BABAM2: variants seen among roughly 807,000 people sequenced by gnomAD.
The protein encoded by BABAM2 is BRISC and BRCA1-A complex member 2.
In BABAM2, 31 loss-of-function variants were observed where a neutral mutation model predicts 54.7. The ratio of observed to expected loss-of-function variants is 0.57; its 90% confidence interval spans 0.43 to 0.77. The LOEUF (loss-of-function observed/expected upper bound fraction) is 0.77. Ranked by LOEUF, BABAM2 falls within the 30% of genes least tolerant of loss-of-function variation. BABAM2 has a pLI of 0.00. For synonymous variants in BABAM2, 167 were observed against 162.9 expected (o/e 1.03, Z -0.19); for missense variants, 364 against 455.8 (o/e 0.80, Z 1.83).
At chr2:27,984,886 T>G (rs1672289295) in intron 3 of BABAM2, among the ~76,000 whole-genome samples, 1 of 152,094 alleles carries the variant, frequency 6.6e-6, no homozygotes, top group African/African-American at 2.4e-5. Context: ...CATTAAGTCA[T>G]TCTTACGCCT....
At chr2:28,237,461 G>A (rs752846250) in intron 8 of BABAM2, among the ~76,000 whole-genome samples, 160 bp downstream of exon 8, 2 of 152,068 alleles carry the variant, frequency 1.3e-5, no homozygotes, top group Non-Finnish European at 2.9e-5. Flanking sequence ...CAGTTAATCT[G>A]TTTCTCTCCC....
intron 6 of BABAM2, among the ~76,000 whole-genome samples, chr2:28,104,526 AAGTC>A (rs1667340450): frequency 6.6e-6 from 1 of 152,218 alleles, no homozygotes; most frequent in Admixed American, 6.5e-5. Flanking sequence ...GATCATTAAA[AAGTC>A]AGGAAACAAC....
upstream of BABAM2, chr2:27,890,135 CA>C: frequency 2.4e-6 from 2 of 818,888 alleles, no homozygotes; most frequent in Non-Finnish European, 3.8e-6. This position sits in a 1 kb window ranked among gnomAD's most constrained non-coding sequence, Gnocchi z 4.8. Flanking sequence ...ACCTGCAGCT[CA>C]TACCCAAAGC....
At chr2:28,305,494 C>A (rs1242713797) in intron 11 of BABAM2, among the ~76,000 whole-genome samples, 1 of 152,040 alleles carries the variant, frequency 6.6e-6, no homozygotes, top group African/African-American at 2.4e-5. Context: ...TCTAAAATTT[C>A]TTTTCTTGTG....
intron 3 of BABAM2, 45 bp from the exon 4 acceptor site, chr2:27,987,948 C>G: frequency 6.6e-7 from 1 of 1,504,324 alleles, no homozygotes; most frequent in Non-Finnish European, 9.2e-7. Flanking sequence ...AATATTCATA[C>G]TTAGAAAGGA....
chr2:28,103,005 T>G (rs1406564078), intron 6 of BABAM2, among the ~76,000 whole-genome samples: 4 of 152,208 alleles, frequency 2.6e-5, no homozygotes, highest in African/African-American at 9.6e-5. Flanking sequence ...TATAGTTTTT[T>G]GTTTTGTTTT....
At chr2:28,316,116 C>G (rs1689531178) in intron 11 of BABAM2, among the ~76,000 whole-genome samples, 2 of 152,150 alleles carry the variant, frequency 1.3e-5, no homozygotes, top group East Asian at 1.9e-4. Context: ...TAAGTATGCC[C>G]CATGCAGTAT....
intron 7 of BABAM2, among the ~76,000 whole-genome samples, chr2:28,130,183 A>G (rs1204224872): frequency 2.6e-5 from 4 of 152,212 alleles, no homozygotes; most frequent in Non-Finnish European, 5.9e-5. Flanking sequence ...TGAGTCATTT[A>G]GTTACAGTTG....
chr2:28,191,283 A>G (rs1221562440), intron 7 of BABAM2, among the ~76,000 whole-genome samples: 1 of 152,228 alleles, frequency 6.6e-6, no homozygotes, highest in East Asian at 1.9e-4. Context: ...TAGAACTGGA[A>G]CTTTTATGGA....
At chr2:28,049,344 C>G (rs1375496804) in intron 6 of BABAM2, among the ~76,000 whole-genome samples, 2 of 152,152 alleles carry the variant, frequency 1.3e-5, no homozygotes, top group Non-Finnish European at 2.9e-5. Flanking sequence ...AGAAAATCAA[C>G]ATTAACTTTT....
chr2:28,206,827 T>G (rs1678897075), intron 7 of BABAM2, among the ~76,000 whole-genome samples: 1 of 152,194 alleles, frequency 6.6e-6, no homozygotes, highest in Non-Finnish European at 1.5e-5. Flanking sequence ...TACAACATTA[T>G]TTGCCACTAC....
intron 5 of BABAM2, among the ~76,000 whole-genome samples, chr2:28,031,761 T>C (rs1205225508): frequency 1.3e-5 from 2 of 152,174 alleles, no homozygotes; most frequent in African/African-American, 2.4e-5. Context: ...AAGCCTTTAC[T>C]GGCCAACTGA....
chr2:28,319,965 G>A (rs555013951), intron 11 of BABAM2, among the ~76,000 whole-genome samples: 3 of 152,130 alleles, frequency 2.0e-5, no homozygotes, highest in Non-Finnish European at 2.9e-5. Flanking sequence ...GCATTCCACC[G>A]GGACACCCAC....
intron 7 of BABAM2, among the ~76,000 whole-genome samples, chr2:28,137,801 A>G (rs1420903152): frequency 6.6e-6 from 1 of 152,186 alleles, no homozygotes; most frequent in Non-Finnish European, 1.5e-5. Context: ...ATGTTTCTTA[A>G]ACTTGTTTGA....
At chr2:28,019,964 T>C (rs1190152591) in intron 4 of BABAM2, among the ~76,000 whole-genome samples, 3 of 152,188 alleles carry the variant, frequency 2.0e-5, no homozygotes, top group Non-Finnish European at 4.4e-5. Flanking sequence ...TTAGTAAGAC[T>C]TTGCATTTAG....
chr2:28,112,181 CCCTCCCTCCCTCCCTCCCTT>C lies in BABAM2; in HGVS notation c.571-17086_571-17067del, dbSNP rs1558347140. On this transcript the variant is annotated intron_variant, in intron 6 of 11. Transcript: ENST00000379624. ...TCCCTCCCTCCCTCCCTCCCTCCCT[CCCTCCCTCCCTCCCTCCCTT>C]CCTTCCTTCCTTCCTTCCTTCCTTC... Among the ~76,000 whole-genome samples, 27 of 30,864 alleles carry C rather than the reference CCCTCCCTCCCTCCCTCCCTT, an allele frequency of 8.7e-4. 1 individual carries two copies. Among genetic ancestry groups the C allele is most frequent in the Non-Finnish European group, 1.2e-3 (20 of 16,868 alleles). 20.2% of individuals were successfully genotyped at this position (30,864 alleles called of 152,430 possible).
At chr2:28,206,642 T>C (rs1029618424) in intron 7 of BABAM2, among the ~76,000 whole-genome samples, 10 of 152,152 alleles carry the variant, frequency 6.6e-5, no homozygotes, top group Non-Finnish European at 1.5e-5. Flanking sequence ...CATTCCTCTA[T>C]CCAGAGGAAG....
intron 10 of BABAM2, among the ~76,000 whole-genome samples, chr2:28,267,175 AG>A: frequency 6.6e-6 from 1 of 152,192 alleles, no homozygotes; most frequent in Admixed American, 6.5e-5. Flanking sequence ...AAGGAAAGAA[AG>A]AAAGAAAGAA....
intron 7 of BABAM2, among the ~76,000 whole-genome samples, chr2:28,184,710 T>A (rs1384591139): frequency 6.6e-6 from 1 of 152,164 alleles, no homozygotes; most frequent in East Asian, 1.9e-4. Flanking sequence ...ATTTTCTTAA[T>A]CCAGTCTATC....
Sources: gnomAD v4.1 joint callset for allele counts (sites outside exome capture counted in the v4.1 genomes callset) on GRCh38, gnomAD v4.1.1 for gene constraint, Gnocchi (gnomAD v3.1) non-coding constraint, MANE v1.5 for transcripts, NCBI Gene and HGNC (gene_info 2026-07-23, HGNC 2026-07-21) for gene names.